PPARGC1A: variants seen among roughly 807,000 people sequenced by gnomAD.
PPARGC1A encodes peroxisome proliferator-activated receptor gamma coactivator 1-alpha.
PPARGC1A carries 25 observed loss-of-function variants against 88.7 expected under a neutral mutation model. The ratio of observed to expected loss-of-function variants is 0.28; its 90% CI spans 0.21 to 0.39. The LOEUF (loss-of-function observed/expected upper bound fraction) is 0.39. Ranked by LOEUF, PPARGC1A falls within the 10% of genes least tolerant of loss-of-function variation. The pLI is 1.00. For missense variants in PPARGC1A, 880 were observed against 968.7 expected (o/e 0.91, Z 1.22); for synonymous variants, 363 against 355.6 (o/e 1.02, Z -0.24).
At chr4:24,208,009 T>C in the PPARGC1A span, among the ~76,000 whole-genome samples, 1 of 152,154 alleles carries the variant, frequency 6.6e-6, no homozygotes, top group Non-Finnish European at 1.5e-5. Context: ...CTGGGTGCAG[T>C]GACTCACACC....
At chr4:23,990,746 T>G in the PPARGC1A span, among the ~76,000 whole-genome samples, 1 of 152,004 alleles carries the variant, frequency 6.6e-6, no homozygotes, top group South Asian at 2.1e-4. Flanking sequence ...TGGAGGAGCA[T>G]CCAAGACCTA....
chr4:24,436,671 G>T, the PPARGC1A span, among the ~76,000 whole-genome samples: 1 of 122,822 alleles, frequency 8.1e-6, no homozygotes, highest in Non-Finnish European at 1.7e-5. Flanking sequence ...CCAGGTCACA[G>T]AGCTGACATC....
At chr4:24,134,550 A>C in the PPARGC1A span, among the ~76,000 whole-genome samples, 1 of 152,254 alleles carries the variant, frequency 6.6e-6, no homozygotes, top group African/African-American at 2.4e-5. Context: ...GCATCTCCCA[A>C]TAAAATTTAT....
the PPARGC1A span, among the ~76,000 whole-genome samples, chr4:24,002,101 G>C: frequency 8.7e-3 from 956 of 110,216 alleles, 30 homozygotes; most frequent in East Asian, 0.11. Context: ...CACACACAGA[G>C]AGAGAGAGAG....
the PPARGC1A span, among the ~76,000 whole-genome samples, chr4:24,470,041 C>T: frequency 6.6e-6 from 1 of 152,182 alleles, no homozygotes; most frequent in African/African-American, 2.4e-5. This position sits in a 1 kb window ranked among gnomAD's most constrained non-coding sequence, Gnocchi z 5.8. Flanking sequence ...TCTCCTTCCT[C>T]TCTTCCTTTG....
chr4:23,884,918 A>G lies in PPARGC1A; in HGVS notation c.68T>C (p.Val23Ala). The G allele has an allele frequency of 1.9e-6, 3 of 1,612,756 alleles. No homozygotes were observed. Among genetic ancestry groups the G allele is most frequent in the Non-Finnish European group, 2.5e-6 (3 of 1,179,230 alleles). Residue 23 changes from valine to alanine, a missense_variant, in exon 2 of 13, where the codon GTT becomes GCT. Coordinates refer to ENST00000264867, the MANE Select transcript of PPARGC1A (RefSeq NM_013261.5). ...TGGGCAAAGAGGCTGGTCTTCACCA[A>G]CCAGAGCAGCACACTGCAGGAGGCA... ...VWSDIECAALVGEDQPLCPDL... is the reference protein window; with the variant it reads ...VWSDIECAALAGEDQPLCPDL...
chr4:24,169,900 T>C, the PPARGC1A span, among the ~76,000 whole-genome samples: 1 of 152,180 alleles, frequency 6.6e-6, no homozygotes. Context: ...TTTTACATGA[T>C]CATACAAATG....
the PPARGC1A span, among the ~76,000 whole-genome samples, chr4:23,960,283 G>A: frequency 1.3e-5 from 2 of 152,128 alleles, no homozygotes; most frequent in Non-Finnish European, 1.5e-5. Context: ...CTGCTGGGAT[G>A]CAAGAGGGGA....
chr4:24,268,493 T>C, the PPARGC1A span, among the ~76,000 whole-genome samples: 1 of 152,196 alleles, frequency 6.6e-6, no homozygotes, highest in East Asian at 1.9e-4. Flanking sequence ...AAACTCCTAA[T>C]AGATGCTCTT....
the PPARGC1A span, among the ~76,000 whole-genome samples, chr4:24,399,783 G>A: frequency 6.6e-6 from 1 of 151,664 alleles, no homozygotes; most frequent in Admixed American, 6.6e-5. Context: ...TTACACCAAA[G>A]GAATCTCCTT....
At chr4:24,414,214 T>TG in the PPARGC1A span, among the ~76,000 whole-genome samples, 1 of 152,186 alleles carries the variant, frequency 6.6e-6, no homozygotes, top group Non-Finnish European at 1.5e-5. Flanking sequence ...TTTGAAACAT[T>TG]GCAGATTACA....
intron 1 of PPARGC1A, among the ~76,000 whole-genome samples, chr4:23,895,377 G>A (rs1718429647): frequency 6.7e-6 from 1 of 149,932 alleles, no homozygotes; most frequent in African/African-American, 2.5e-5. Context: ...AAGATTTTTG[G>A]TTATTTGACT....
the PPARGC1A span, among the ~76,000 whole-genome samples, chr4:23,920,281 G>A: frequency 8.5e-5 from 13 of 152,236 alleles, no homozygotes; most frequent in Non-Finnish European, 1.6e-4. Flanking sequence ...TGCCATGGCA[G>A]GTGATGAACT....
At chr4:24,327,011 A>G in the PPARGC1A span, among the ~76,000 whole-genome samples, 1 of 152,190 alleles carries the variant, frequency 6.6e-6, no homozygotes, top group Non-Finnish European at 1.5e-5. Flanking sequence ...TAGTCAAATC[A>G]GCCAAGCATT....
At chr4:24,251,174 C>CACACTAAT in the PPARGC1A span, among the ~76,000 whole-genome samples, 3 of 152,186 alleles carry the variant, frequency 2.0e-5, no homozygotes. Context: ...TTAAAATAGC[C>CACACTAAT]TAGCATAGTT....
the PPARGC1A span, among the ~76,000 whole-genome samples, chr4:24,137,683 C>A: frequency 1.3e-5 from 2 of 152,194 alleles, no homozygotes; most frequent in East Asian, 3.9e-4. Context: ...CATAGAGAAT[C>A]GCTTCAAACA....
chr4:23,908,388 A>C (rs184793970), upstream of PPARGC1A, among the ~76,000 whole-genome samples: 726 of 152,250 alleles, frequency 4.8e-3, 7 homozygotes, highest in Middle Eastern at 0.027. Flanking sequence ...CACTATAACT[A>C]CCCAAAGTTG....
chr4:24,324,509 C>G, the PPARGC1A span, among the ~76,000 whole-genome samples: 1 of 151,474 alleles, frequency 6.6e-6, no homozygotes, highest in African/African-American at 2.4e-5. Context: ...CATTCCTCCT[C>G]CTTCTCCCTT....
the PPARGC1A span, among the ~76,000 whole-genome samples, chr4:24,006,556 G>A: frequency 6.6e-6 from 1 of 152,162 alleles, no homozygotes; most frequent in Non-Finnish European, 1.5e-5. Flanking sequence ...TCAGAAAGAT[G>A]CACAAATATG....
Sources: gnomAD v4.1 joint callset for allele counts (sites outside exome capture counted in the v4.1 genomes callset) on GRCh38, gnomAD v4.1.1 for gene constraint, Gnocchi (gnomAD v3.1) non-coding constraint, MANE v1.5 for transcripts, NCBI Gene and HGNC (gene_info 2026-07-23, HGNC 2026-07-21) for gene names.